The following ZMAT4 variants were observed in gnomAD, a reference collection of about 807,000 sequenced individuals.
The protein encoded by ZMAT4 is zinc finger matrin-type protein 4.
Under a neutral mutation model 28.7 loss-of-function variants are expected in ZMAT4, and 17 were observed. That is an observed-to-expected ratio of 0.59 (90% CI 0.41 to 0.89). The LOEUF is 0.89. Ranked by LOEUF, ZMAT4 falls within the 40% of genes least tolerant of loss-of-function variation. ZMAT4 has a pLI of 0.00. For missense variants in ZMAT4, 240 were observed against 283.8 expected (o/e 0.85, Z 1.11); for synonymous variants, 117 against 109.2 (o/e 1.07, Z -0.44).
chr8:40,835,858 T>C (rs1001146722), intron 1 of ZMAT4, among the ~76,000 whole-genome samples: 2 of 152,212 alleles, frequency 1.3e-5, no homozygotes, highest in Non-Finnish European at 2.9e-5. Context: ...GCATATTAAC[T>C]TGACTGGGCT....
At chr8:40,893,473 G>T (rs1818763942) in intron 1 of ZMAT4, among the ~76,000 whole-genome samples, 2 of 152,306 alleles carry the variant, frequency 1.3e-5, no homozygotes, top group South Asian at 2.1e-4. Context: ...AAGTGCCAGA[G>T]CCCAGATAGT....
chr8:40,778,688 G>A (rs1281072774), intron 2 of ZMAT4, among the ~76,000 whole-genome samples: 1 of 152,198 alleles, frequency 6.6e-6, no homozygotes, highest in Non-Finnish European at 1.5e-5. Flanking sequence ...CTTAGGGGAA[G>A]AAGGAACATG....
chr8:40,689,905 C>T (rs1328959187), intron 4 of ZMAT4, among the ~76,000 whole-genome samples: 1 of 152,002 alleles, frequency 6.6e-6, no homozygotes, highest in African/African-American at 2.4e-5. Flanking sequence ...CTGTCTTATA[C>T]CACTATGTGA....
intron 4 of ZMAT4, among the ~76,000 whole-genome samples, chr8:40,681,475 T>G (rs575365295): frequency 2.0e-5 from 3 of 152,228 alleles, no homozygotes; most frequent in Non-Finnish European, 2.9e-5. Context: ...AAAGTTAGAT[T>G]AGATCATTCA....
intron 2 of ZMAT4, among the ~76,000 whole-genome samples, chr8:40,781,332 G>A (rs1174413898): frequency 6.6e-6 from 1 of 151,992 alleles, no homozygotes; most frequent in Non-Finnish European, 1.5e-5. Flanking sequence ...ACTCAGATTA[G>A]CCAAAACAAT....
chr8:40,650,977 A>G (rs1229220588), intron 5 of ZMAT4, among the ~76,000 whole-genome samples: 5 of 150,018 alleles, frequency 3.3e-5, no homozygotes, highest in Non-Finnish European at 7.5e-5. Context: ...ATCATACTGA[A>G]TGGGCAAAAA....
chr8:40,755,562 C>G (rs1812643774), intron 3 of ZMAT4, among the ~76,000 whole-genome samples: 1 of 152,136 alleles, frequency 6.6e-6, no homozygotes, highest in Admixed American at 6.5e-5. Flanking sequence ...AAGCAATTCT[C>G]CCACCTCAGC....
chr8:40,623,756 A>G (rs1484923817), intron 5 of ZMAT4, among the ~76,000 whole-genome samples: 1 of 152,222 alleles, frequency 6.6e-6, no homozygotes, highest in Non-Finnish European at 1.5e-5. Flanking sequence ...GGGCCCCTGA[A>G]AGGCTACATA....
chr8:40,601,730 A>G (rs1481360955), intron 5 of ZMAT4, among the ~76,000 whole-genome samples: 2 of 65,248 alleles, frequency 3.1e-5, no homozygotes, highest in African/African-American at 7.4e-5. Context: ...AGAAAGAAAG[A>G]GAAAGCAGGC....
chr8:40,559,718 C>T (rs1351479687), intron 6 of ZMAT4, among the ~76,000 whole-genome samples: 1 of 151,912 alleles, frequency 6.6e-6, no homozygotes, highest in Non-Finnish European at 1.5e-5. Flanking sequence ...GAACTGAAGG[C>T]ACACACACAC....
At chr8:40,744,346 G>A (rs955972942) in intron 3 of ZMAT4, among the ~76,000 whole-genome samples, 3 of 152,168 alleles carry the variant, frequency 2.0e-5, no homozygotes, top group African/African-American at 2.4e-5. Flanking sequence ...AGATGGAGCC[G>A]AGGCCAGGTG....
At chr8:40,599,648 A>G (rs1477103272) in intron 5 of ZMAT4, among the ~76,000 whole-genome samples, 3 of 152,262 alleles carry the variant, frequency 2.0e-5, no homozygotes, top group African/African-American at 7.2e-5. Context: ...AAGTTTAACA[A>G]GAGCTGCGGA....
At chr8:40,548,819 A>G (rs890297204) in intron 6 of ZMAT4, among the ~76,000 whole-genome samples, 30 of 152,174 alleles carry the variant, frequency 2.0e-4, no homozygotes, top group Non-Finnish European at 3.4e-4. Flanking sequence ...TTGTTTTGGA[A>G]TCTTGTGATC....
At chr8:40,777,485 G>A (rs1356825062) in intron 2 of ZMAT4, among the ~76,000 whole-genome samples, 1 of 152,208 alleles carries the variant, frequency 6.6e-6, no homozygotes, top group East Asian at 1.9e-4. Flanking sequence ...GGGCCTCCCA[G>A]GCAGCCTCAG....
chr8:40,783,933 C>A (rs1008287993), intron 2 of ZMAT4, among the ~76,000 whole-genome samples: 3 of 152,140 alleles, frequency 2.0e-5, no homozygotes, highest in African/African-American at 7.2e-5. Flanking sequence ...ATTGCTTGAA[C>A]CCGTAAGGCG....
At chr8:40,814,498 T>C (rs1466679938) in intron 2 of ZMAT4, among the ~76,000 whole-genome samples, 1 of 152,216 alleles carries the variant, frequency 6.6e-6, no homozygotes, top group Non-Finnish European at 1.5e-5. Context: ...ACTACACAAG[T>C]ATTCACAAGG....
chr8:40,563,033 C>A (rs922879958), intron 6 of ZMAT4, among the ~76,000 whole-genome samples: 1 of 152,156 alleles, frequency 6.6e-6, no homozygotes, highest in Non-Finnish European at 1.5e-5. Context: ...GACACTTCAA[C>A]CAGCTCCTGT....
intron 3 of ZMAT4, among the ~76,000 whole-genome samples, chr8:40,749,662 T>A (rs758883351): frequency 6.6e-6 from 1 of 152,218 alleles, no homozygotes; most frequent in Non-Finnish European, 1.5e-5. Flanking sequence ...AAAAATGTTC[T>A]ACAGGAACCT....
At chr8:40,745,389 C>T (rs1397036330) in intron 3 of ZMAT4, among the ~76,000 whole-genome samples, 1 of 152,116 alleles carries the variant, frequency 6.6e-6, no homozygotes, top group Non-Finnish European at 1.5e-5. Flanking sequence ...GCAAGTAATT[C>T]AAGTAAAAGA....
Sources: gnomAD v4.1 joint callset for allele counts (sites outside exome capture counted in the v4.1 genomes callset) on GRCh38, gnomAD v4.1.1 for gene constraint, MANE v1.5 for transcripts, NCBI Gene and HGNC (gene_info 2026-07-23, HGNC 2026-07-21) for gene names.